SGMS1: variants seen among roughly 807,000 people sequenced by gnomAD.
The protein encoded by SGMS1 is sphingomyelin synthase 1.
In SGMS1, 13 loss-of-function variants were observed where a neutral mutation model predicts 46.2. The observed-to-expected ratio is 0.28, with a 90% CI of 0.18 to 0.45. SGMS1 has a LOEUF of 0.45. SGMS1 is among the 20% of genes least tolerant of loss of function. The probability of loss-of-function intolerance (pLI) is 1.00; values close to 1 mark genes in which losing one functional copy is unlikely to be tolerated. For synonymous variants in SGMS1, 203 were observed against 187.8 expected (o/e 1.08, Z -0.66); for missense variants, 324 against 519.9 (o/e 0.62, Z 3.66).
chr10:50,463,616 G>A (rs1454984987), intron 4 of SGMS1, among the ~76,000 whole-genome samples: 1 of 152,186 alleles, frequency 6.6e-6, no homozygotes, highest in Admixed American at 6.5e-5. Context: ...ATAAAGTCTG[G>A]CAGTTCCTGA....
chr10:50,546,804 T>G (rs1404933339), intron 2 of SGMS1, among the ~76,000 whole-genome samples: 2 of 152,054 alleles, frequency 1.3e-5, no homozygotes, highest in African/African-American at 4.8e-5. Context: ...CACACCAACA[T>G]GGCGCATGTA....
chr10:50,512,211 G>A (rs528809969), intron 3 of SGMS1, among the ~76,000 whole-genome samples: 4 of 152,186 alleles, frequency 2.6e-5, no homozygotes, highest in East Asian at 1.9e-4. Context: ...GAGGGCAGAC[G>A]CAGGACAGAA....
At chr10:50,465,078 A>C (rs868132920) in intron 4 of SGMS1, among the ~76,000 whole-genome samples, 2 of 152,246 alleles carry the variant, frequency 1.3e-5, no homozygotes, top group South Asian at 4.2e-4. Flanking sequence ...CTTAATCCTC[A>C]TAGGTAGGCT....
intron 7 of SGMS1, among the ~76,000 whole-genome samples, chr10:50,333,749 T>C (rs1270254096): frequency 6.6e-6 from 1 of 152,210 alleles, no homozygotes. Context: ...CTGGGAGATT[T>C]AGAACTCATT....
intron 8 of SGMS1, among the ~76,000 whole-genome samples, chr10:50,316,148 C>CCT (rs1847334485): frequency 6.6e-6 from 1 of 152,222 alleles, no homozygotes; most frequent in Non-Finnish European, 1.5e-5. Flanking sequence ...AGCAGGGGCA[C>CCT]TGACTGTACT....
At chr10:50,375,077 A>G (rs949571583) in intron 6 of SGMS1, among the ~76,000 whole-genome samples, 16 of 152,080 alleles carry the variant, frequency 1.1e-4, no homozygotes, top group African/African-American at 3.9e-4. Flanking sequence ...TATTAAAAAA[A>G]CTGTGACCAC....
At chr10:50,525,096 A>C (rs1238312725) in intron 2 of SGMS1, among the ~76,000 whole-genome samples, 2 of 152,246 alleles carry the variant, frequency 1.3e-5, no homozygotes, top group Non-Finnish European at 2.9e-5. Flanking sequence ...GAGAAAAAGC[A>C]TTAAATCAAA....
rs1847875243 is a variant in SGMS1 at position 50,344,194 on chromosome 10, CCTGCCTCGG to C, written c.-89_-81del. On this transcript the variant is annotated 5_prime_UTR_variant, in exon 7 of 11. Coordinates refer to ENST00000361781, the MANE Select transcript of SGMS1 (RefSeq NM_147156.4). ...CTGTTCCGACAGGGCAGGACACTGT[CCTGCCTCGG>C]CTCGTTCATCCTGTGGGGCCTCATG... 17 of 1,501,538 alleles carry C rather than the reference CCTGCCTCGG, an allele frequency of 1.1e-5. No individual in the cohort carries two copies. The highest frequency in any genetic ancestry group is 1.5e-5 in the Non-Finnish European group (17 of 1,133,262). The allele number at this position is 1,501,538 out of a possible 1,614,324, so 93.0% of individuals were successfully genotyped here. A position where few individuals can be genotyped will look rare whatever the true frequency, so the allele number is the denominator to read the frequency against.
At chr10:50,373,672 A>T (rs986844579) in intron 6 of SGMS1, among the ~76,000 whole-genome samples, 4 of 152,248 alleles carry the variant, frequency 2.6e-5, no homozygotes, top group African/African-American at 9.6e-5. Context: ...AGTCATAAAG[A>T]TAAAAACTGG....
chr10:50,308,688 A>G (rs1285313912), intron 9 of SGMS1, among the ~76,000 whole-genome samples: 1 of 152,130 alleles, frequency 6.6e-6, no homozygotes, highest in Non-Finnish European at 1.5e-5. Flanking sequence ...ATTCTAGTTC[A>G]AGTGCCTTCT....
intron 3 of SGMS1, among the ~76,000 whole-genome samples, chr10:50,509,576 A>G (rs1344241162): frequency 6.6e-6 from 1 of 152,332 alleles, no homozygotes; most frequent in East Asian, 1.9e-4. Context: ...TGATAGAGTG[A>G]AATTTGACTG....
intron 1 of SGMS1, among the ~76,000 whole-genome samples, chr10:50,620,004 A>G (rs1838834268): frequency 1.3e-5 from 2 of 152,186 alleles, no homozygotes; most frequent in Admixed American, 1.3e-4. Context: ...TTATCTGTGG[A>G]GATGGAGGAC....
chr10:50,538,756 T>A (rs918819762), intron 2 of SGMS1, among the ~76,000 whole-genome samples: 14 of 152,138 alleles, frequency 9.2e-5, no homozygotes, highest in African/African-American at 3.4e-4. Context: ...ACAATACTGA[T>A]CTGGAGGTGG....
Position 50,499,156 on chromosome 10 carries a change from G to A in SGMS1, c.-498+20675C>T, listed in dbSNP as rs61076832. Among the ~76,000 whole-genome samples, 78 of 152,248 alleles carry A rather than the reference G, an allele frequency of 5.1e-4. 1 individual carries two copies. In the East Asian group the frequency reaches 8.7e-3, roughly 17 times the overall value. On this transcript the variant is annotated intron_variant, in intron 3 of 10. Coordinates refer to ENST00000361781, the MANE Select transcript of SGMS1 (RefSeq NM_147156.4). The stretch of plus-strand genomic sequence containing the variant: ...TTTCTGAGAGGTAATTTTAATAATA[G>A]CAGCTGAGATTAAATTTTAAAAATA...
Position 50,425,057 on chromosome 10 carries a change from G to C in SGMS1, c.-232+8419C>G, listed in dbSNP as rs189204540. Reference sequence around the variant, plus strand: ...TAATCACAATGGCTATTATTAAAAAGTCACACCAGTTAGAATAGCTATTAC... The same window carrying C: ...TAATCACAATGGCTATTATTAAAAACTCACACCAGTTAGAATAGCTATTAC... On this transcript the variant is annotated intron_variant, in intron 6 of 10. Transcript: ENST00000361781. Among the ~76,000 whole-genome samples the C allele has an allele frequency of 4.2e-3, 646 of 152,012 alleles. 4 individuals carry two copies. The highest frequency in any genetic ancestry group is 0.015 in the African/African-American group (602 of 41,480).
intron 6 of SGMS1, among the ~76,000 whole-genome samples, chr10:50,422,569 A>G (rs576392810): frequency 6.6e-6 from 1 of 152,192 alleles, no homozygotes; most frequent in Non-Finnish European, 1.5e-5. Context: ...CAGAAGCAAC[A>G]AGTCATTCGA....
chr10:50,329,290 A>C (rs1222537590), intron 7 of SGMS1, among the ~76,000 whole-genome samples: 1 of 152,242 alleles, frequency 6.6e-6, no homozygotes, highest in African/African-American at 2.4e-5. Context: ...AAAGACAAAT[A>C]CATAAAATTG....
chr10:50,587,631 A>ATGTGTGTGTGTGTGTGTGTGTGTG (rs1415958432), intron 2 of SGMS1, among the ~76,000 whole-genome samples: 2 of 118,658 alleles, frequency 1.7e-5, no homozygotes, highest in South Asian at 2.9e-4. Context: ...CTCAAAATAT[A>ATGTGTGTGTGTGTGTGTGTGTGTG]TATGTGTGTG....
chr10:50,466,616 A>G (rs1837332049), intron 4 of SGMS1, among the ~76,000 whole-genome samples: 1 of 152,216 alleles, frequency 6.6e-6, no homozygotes, highest in African/African-American at 2.4e-5. Context: ...GATGTCAGAT[A>G]TGTATGTAAA....
Sources: allele counts gnomAD v4.1 joint callset (sites outside exome capture counted in the v4.1 genomes callset), GRCh38; gene constraint gnomAD v4.1.1; transcripts MANE v1.5; gene names NCBI Gene and HGNC (gene_info 2026-07-23, HGNC 2026-07-21).